The following COP1 variants were observed in gnomAD, a reference collection of about 807,000 sequenced individuals.
The protein encoded by COP1 is E3 ubiquitin-protein ligase COP1.
COP1 carries 24 observed loss-of-function variants against 101.3 expected under a neutral mutation model. That is an observed-to-expected ratio of 0.24 (90% CI 0.17 to 0.33). The LOEUF (loss-of-function observed/expected upper bound fraction) is 0.33, where lower values mean the gene tolerates loss of function less well. Among genes scored for constraint, COP1 ranks in the 10% least tolerant of loss-of-function variants. The probability of loss-of-function intolerance (pLI) is 1.00; values close to 1 mark genes in which losing one functional copy is unlikely to be tolerated. For synonymous variants in COP1, 347 were observed against 341.9 expected (o/e 1.01, Z -0.17); for missense variants, 663 against 906.2 (o/e 0.73, Z 3.45).
intron 18 of COP1, among the ~76,000 whole-genome samples, chr1:175,956,343 T>C (rs946272623): frequency 6.6e-6 from 1 of 152,084 alleles, no homozygotes; most frequent in African/African-American, 2.4e-5. Context: ...TAAACTTCAA[T>C]CCTTCTATCA....
chr1:176,157,029 C>A (rs1242343158), intron 5 of COP1, among the ~76,000 whole-genome samples: 2 of 151,988 alleles, frequency 1.3e-5, no homozygotes, highest in African/African-American at 2.4e-5. Flanking sequence ...GAGACGCCAT[C>A]TCTACCAAAA....
chr1:175,985,842 C>G (rs1656986417), intron 18 of COP1, among the ~76,000 whole-genome samples: 1 of 152,080 alleles, frequency 6.6e-6, no homozygotes, highest in African/African-American at 2.4e-5. Context: ...AGCCACAGAA[C>G]TTTAAATAAG....
At chr1:176,037,209 T>C (rs1040000668) in intron 14 of COP1, among the ~76,000 whole-genome samples, 11 of 152,086 alleles carry the variant, frequency 7.2e-5, no homozygotes, top group African/African-American at 2.7e-4. Flanking sequence ...GAGACCGTCC[T>C]GGCTAACACA....
chr1:176,169,683 G>T (rs990261920), intron 3 of COP1, among the ~76,000 whole-genome samples: 1 of 152,218 alleles, frequency 6.6e-6, no homozygotes, highest in African/African-American at 2.4e-5. Context: ...TTTGCTGGTA[G>T]AGAGTCTTGC....
intron 3 of COP1, among the ~76,000 whole-genome samples, chr1:176,165,397 T>TGTGTGG: frequency 6.8e-6 from 1 of 146,152 alleles, no homozygotes; most frequent in East Asian, 2.1e-4. Context: ...TGTGTGTGTG[T>TGTGTGG]GTGTGTGTGT....
chr1:175,982,471 C>T, intron 18 of COP1: 1 of 438,946 alleles, frequency 2.3e-6, no homozygotes, highest in Non-Finnish European at 4.5e-6. Context: ...GGATGAAGAC[C>T]TTTATGATTC....
chr1:176,175,413 G>A (rs904108133), intron 3 of COP1, among the ~76,000 whole-genome samples: 12 of 152,192 alleles, frequency 7.9e-5, no homozygotes, highest in African/African-American at 2.7e-4. Context: ...GAAGGGAGGT[G>A]GAAGGGATGG....
At chr1:176,103,919 G>T (rs1425612163) in intron 9 of COP1, among the ~76,000 whole-genome samples, 1 of 152,022 alleles carries the variant, frequency 6.6e-6, no homozygotes, top group East Asian at 1.9e-4. Flanking sequence ...TAGGGAGCTA[G>T]ATAAACTGAT....
chr1:175,955,496 G>A (rs541414222), intron 18 of COP1, among the ~76,000 whole-genome samples: 3 of 152,114 alleles, frequency 2.0e-5, no homozygotes, highest in South Asian at 2.1e-4. Flanking sequence ...AACCCAGTGC[G>A]ACAGTCAAGA....
At chr1:176,056,354 T>A (rs1673481805) in intron 11 of COP1, among the ~76,000 whole-genome samples, 1 of 152,218 alleles carries the variant, frequency 6.6e-6, no homozygotes, top group African/African-American at 2.4e-5. Flanking sequence ...GTGCACTTAA[T>A]CTGTCATGGA....
chr1:176,021,169 A>C (rs998711812), intron 15 of COP1, among the ~76,000 whole-genome samples: 1 of 152,212 alleles, frequency 6.6e-6, no homozygotes, highest in Non-Finnish European at 1.5e-5. Context: ...TCTATGAAAT[A>C]AAATATGTGC....
intron 1 of COP1, 86 bp downstream of exon 1, chr1:176,206,486 A>G: frequency 9.0e-7 from 1 of 1,113,862 alleles, no homozygotes; most frequent in Non-Finnish European, 1.3e-6. Context: ...CCAACAAGCC[A>G]CCCCCACACC....
chr1:175,947,338 C>T (rs1270699504), intron 18 of COP1, 99 bp from the exon 19 acceptor site: 2 of 817,594 alleles, frequency 2.4e-6, no homozygotes, highest in African/African-American at 3.4e-5. Context: ...CACTTCAATT[C>T]CTAAGACAAT....
At chr1:176,175,083 C>T (rs1056483108) in intron 3 of COP1, among the ~76,000 whole-genome samples, 2 of 152,234 alleles carry the variant, frequency 1.3e-5, no homozygotes, top group South Asian at 4.1e-4. Context: ...TTCCCAAGTT[C>T]TTAATTTTTA....
intron 1 of COP1, among the ~76,000 whole-genome samples, chr1:176,205,657 CAATA>C (rs1410447231): frequency 6.6e-6 from 1 of 152,194 alleles, no homozygotes; most frequent in African/African-American, 2.4e-5. Context: ...ATCTAAAATC[CAATA>C]AAAATTCCAA....
In COP1 at chr1:176,005,394, C is replaced by G. The variant is rs187117197; in HGVS notation, c.1730-15915G>C. 5.1e-4 allele frequency among the ~76,000 whole-genome samples: 77 copies of G among 152,178 alleles called. 1 individual carries two copies. In the Middle Eastern group the frequency reaches 0.014, roughly 27 times the overall value. On this transcript the variant is annotated intron_variant, in intron 15 of 19. Coordinates refer to ENST00000367669, the MANE Select transcript of COP1 (RefSeq NM_022457.7). ...TTAGTTATTTTTTGCCTTCTGCTAG[C>G]TTTTGAATGTGTTTGGTCTTGCTTT...
chr1:176,123,420 T>C (rs1427529924), intron 8 of COP1, among the ~76,000 whole-genome samples: 1 of 152,124 alleles, frequency 6.6e-6, no homozygotes, highest in Non-Finnish European at 1.5e-5. Flanking sequence ...GGTACCCCCA[T>C]TTCTGACCTC....
chr1:176,046,042 T>C (rs1326676805), intron 12 of COP1, 139 bp downstream of exon 12: 3 of 580,846 alleles, frequency 5.2e-6, no homozygotes, highest in East Asian at 3.4e-5. Context: ...AGTAATAATA[T>C]ATACTCTGTA....
chr1:176,188,669 T>A (rs1391842627), intron 1 of COP1, among the ~76,000 whole-genome samples: 1 of 152,188 alleles, frequency 6.6e-6, no homozygotes, highest in Non-Finnish European at 1.5e-5. Flanking sequence ...CTGCGATCAG[T>A]GATCTTTGAT....
Sources: gnomAD v4.1 joint callset for allele counts (sites outside exome capture counted in the v4.1 genomes callset) on GRCh38, gnomAD v4.1.1 for gene constraint, MANE v1.5 for transcripts, NCBI Gene and HGNC (gene_info 2026-07-23, HGNC 2026-07-21) for gene names.